SEC31A: variants seen among roughly 807,000 people sequenced by gnomAD.
SEC31A encodes the protein SEC31 homolog A, COPII component.
In SEC31A, 70 loss-of-function variants were observed where a neutral mutation model predicts 151.0. The observed-to-expected ratio is 0.46, with a 90% CI of 0.38 to 0.57. The LOEUF (loss-of-function observed/expected upper bound fraction) is 0.57. SEC31A is among the 20% of genes least tolerant of loss of function. SEC31A has a pLI of 0.00. For missense variants in SEC31A, 1,330 were observed against 1,471.2 expected (o/e 0.90, Z 1.57); for synonymous variants, 475 against 505.9 (o/e 0.94, Z 0.82).
At chr4:82,899,195 G>C (rs1163185951) in intron 3 of SEC31A, among the ~76,000 whole-genome samples, 1 of 152,130 alleles carries the variant, frequency 6.6e-6, no homozygotes, top group Non-Finnish European at 1.5e-5. Context: ...TTTGCTGAGC[G>C]GGGTGGGGGA....
chr4:82,844,282 G>A, intron 21 of SEC31A, 104 bp downstream of exon 21: 2 of 1,265,200 alleles, frequency 1.6e-6, no homozygotes, highest in East Asian at 2.3e-5. Flanking sequence ...ATGCACAATG[G>A]TTCTTACTTA....
intron 10 of SEC31A, 142 bp downstream of exon 10, chr4:82,866,666 C>A: frequency 2.5e-5 from 18 of 707,386 alleles, no homozygotes; most frequent in East Asian, 8.9e-5. Flanking sequence ...TCAGAGAAAC[C>A]ATTTTGAATG....
Position 82,888,379 on chromosome 4 carries a change from A to AT in SEC31A, c.-5+2708_-5+2709insA, listed in dbSNP as rs1220199139. ...AAAAAAAAAAAAAAAAAAAACACAC[A>AT]AAAAACATATATATATATACACACA... On this transcript the variant is annotated intron_variant, in intron 1 of 26. Transcript: ENST00000395310. Among the ~76,000 whole-genome samples, 59 of 6,670 alleles carry AT rather than the reference A, an allele frequency of 8.8e-3. 2 individuals carry two copies. Among genetic ancestry groups the AT allele is most frequent in the African/African-American group, 0.086 (51 of 594 alleles). 4.4% of individuals were successfully genotyped at this position (6,670 alleles called of 152,430 possible).
intron 8 of SEC31A, 95 bp downstream of exon 8, chr4:82,870,230 T>C: frequency 1.2e-6 from 1 of 864,044 alleles, no homozygotes. Flanking sequence ...CTTCACATAG[T>C]AATCCACTAA....
chr4:82,892,765 T>C (rs1221896436), upstream of SEC31A, among the ~76,000 whole-genome samples: 2 of 152,192 alleles, frequency 1.3e-5, no homozygotes, highest in Non-Finnish European at 2.9e-5. Flanking sequence ...ATTTGTGGAC[T>C]AAAGAGCTAG....
rs370412636 is a variant in SEC31A at position 82,874,623 on chromosome 4, G to A, written c.627C>T (p.Asp209=). ...ATCACATACTTACTCTGTTACTATG[G>A]TCACTGACTTTGATGATTGGCTCAT... ...RKNEPIIKVS[D]HSNRMHCSGL... is the part of the protein sequence containing the mutation. The change falls in exon 6 of 27, where the codon GAC becomes GAT. Residue 209 remains aspartate (D), a synonymous_variant. Coordinates refer to ENST00000395310, the MANE Select transcript of SEC31A (RefSeq NM_001077207.4). The A allele has an allele frequency of 1.9e-6, 3 of 1,609,692 alleles. No individual in the cohort carries two copies. The African/African-American group carries it at 4.0e-5, about 22-fold the overall frequency.
rs748793684 is a variant in SEC31A, at chr4:82,878,862, A to G, written c.270T>C (p.Ile90=). ...DSKGDVSGVL[I]AGGENGNIIL... ...TAATATTTCCATTTTCACCACCTGCAATCAGAACTCCAGAGACATCTCCTT... is the reference window on the plus strand; with the variant it reads ...TAATATTTCCATTTTCACCACCTGCGATCAGAACTCCAGAGACATCTCCTT... Residue 90 remains isoleucine (I), a synonymous_variant, in exon 4 of 27, where the codon ATT becomes ATC. Coordinates refer to ENST00000395310, the MANE Select transcript of SEC31A (RefSeq NM_001077207.4). The G allele has an allele frequency of 8.1e-6, 13 of 1,613,938 alleles. No individual in the cohort carries two copies. The highest frequency in any genetic ancestry group is 1.0e-5 in the Non-Finnish European group (12 of 1,179,924).
rs1364878719 is a variant in SEC31A, at chr4:82,842,329, C to T, written c.2779G>A (p.Ala927Thr). The change falls in exon 22 of 27, where the codon GCA (alanine) becomes ACA (threonine). Residue 927 changes from alanine (A) to threonine (T), a missense_variant. Ala to Thr is a moderately conservative substitution (Grantham distance 58, BLOSUM62 0). Transcript: ENST00000395310. ...SSYTGQSQLY[A>T]AQHQASSPTS... ...GGTGAAGAGGCCTGGTGCTGTGCTG[C>T]GTACAGCTGAGACTGCCCAGTATAG... 7.4e-6 allele frequency: 12 copies of T among 1,613,334 alleles called. No individual in the cohort carries two copies. The highest frequency in any genetic ancestry group is 5.5e-5 in the South Asian group (5 of 90,982).
At chr4:82,888,444 C>G (rs1055454747) in intron 1 of SEC31A, among the ~76,000 whole-genome samples, 15 of 97,992 alleles carry the variant, frequency 1.5e-4, no homozygotes, top group African/African-American at 7.2e-4. Flanking sequence ...GTAATCCCAG[C>G]ACTTTGGAAG....
At chr4:82,891,190 C>G (rs1719688323), upstream of SEC31A, 2 of 1,533,688 alleles carry the variant, frequency 1.3e-6, no homozygotes, top group Admixed American at 2.0e-5. Context: ...GCCACCTCCA[C>G]GTTCCGTTCC....
intron 1 of SEC31A, among the ~76,000 whole-genome samples, chr4:82,889,426 AT>A (rs2125968458): frequency 6.6e-6 from 1 of 152,074 alleles, no homozygotes; most frequent in East Asian, 1.9e-4. Context: ...CCACGTGCAT[AT>A]TCCTAGCTAC....
At chr4:82,848,593 T>C (rs1173598538) in intron 20 of SEC31A, among the ~76,000 whole-genome samples, 1 of 152,164 alleles carries the variant, frequency 6.6e-6, no homozygotes, top group Non-Finnish European at 1.5e-5. Flanking sequence ...CAATTCATAT[T>C]TAAAATATAA....
chr4:82,883,204 T>C (rs1018221778), intron 1 of SEC31A, among the ~76,000 whole-genome samples: 1 of 152,222 alleles, frequency 6.6e-6, no homozygotes, highest in Non-Finnish European at 1.5e-5. Context: ...TACATAAATA[T>C]ATTGAAATGG....
At chr4:82,897,682 T>G (rs1273519360) in intron 3 of SEC31A, 2 of 152,010 alleles carry the variant, frequency 1.3e-5, no homozygotes, top group Non-Finnish European at 2.9e-5. Flanking sequence ...GAGGTTGCAA[T>G]AAGCTGAGAT....
At chr4:82,825,709 A>G (rs1724397596) in intron 24 of SEC31A, among the ~76,000 whole-genome samples, 1 of 152,184 alleles carries the variant, frequency 6.6e-6, no homozygotes, top group African/African-American at 2.4e-5. Context: ...GCAAAGAGGA[A>G]AAAAGGCCAA....
At chr4:82,891,236 CCAA>C (rs1442497537), upstream of SEC31A, 54 of 1,455,168 alleles carry the variant, frequency 3.7e-5, no homozygotes, top group Non-Finnish European at 4.6e-5. Context: ...CGCCCTGCGC[CCAA>C]CACTTCCGGG....
chr4:82,829,727 A>G (rs181711156), intron 22 of SEC31A, among the ~76,000 whole-genome samples: 77 of 152,280 alleles, frequency 5.1e-4, no homozygotes, highest in African/African-American at 1.8e-3. Context: ...AATATTACCA[A>G]CTGTAGTAAA....
At chr4:82,853,803 A>T in intron 17 of SEC31A, 88 bp from the exon 18 acceptor site, 1 of 1,066,146 alleles carries the variant, frequency 9.4e-7, no homozygotes, top group South Asian at 1.6e-5. Context: ...TTTCAGAGGC[A>T]TGGATTAAGC....
At chr4:82,841,792 T>G (rs905738706) in intron 22 of SEC31A, among the ~76,000 whole-genome samples, 2 of 151,224 alleles carry the variant, frequency 1.3e-5, no homozygotes, top group African/African-American at 4.9e-5. Flanking sequence ...GCCAACATGA[T>G]GAAACTCTAT....
Sources: allele counts gnomAD v4.1 joint callset (sites outside exome capture counted in the v4.1 genomes callset), GRCh38; gene constraint gnomAD v4.1.1; transcripts MANE v1.5; gene names NCBI Gene and HGNC (gene_info 2026-07-23, HGNC 2026-07-21).